The following EYS variants were observed in gnomAD, a reference collection of about 807,000 sequenced individuals.
The protein encoded by EYS is protein eyes shut homolog.
In EYS, 250 loss-of-function variants were observed where a neutral mutation model predicts 282.1. The ratio of observed to expected loss-of-function variants is 0.89; its 90% CI spans 0.80 to 0.98. The LOEUF is 0.98. Ranked by LOEUF, EYS falls within the 50% of genes least tolerant of loss-of-function variation. The pLI is 0.00. For missense variants in EYS, 4,016 were observed against 3,709.0 expected (o/e 1.08, Z -2.15); for synonymous variants, 1,355 against 1,282.9 (o/e 1.06, Z -1.20).
At chr6:65,291,153 C>T (rs1030146088) in intron 12 of EYS, among the ~76,000 whole-genome samples, 2 of 151,498 alleles carry the variant, frequency 1.3e-5, no homozygotes, top group African/African-American at 4.8e-5. Flanking sequence ...ATACACTTCT[C>T]AGGAAAACAT....
rs562559791 is a variant in EYS at position 65,460,728 on chromosome 6, T to C, written c.862+29866A>G. On this transcript the variant is annotated intron_variant, in intron 5 of 42. Transcript: ENST00000503581. ...GTTTTGGCCTGAACAAATCAATGGA[T>C]TACTACAAACAACACAATAGTTGCC... is the stretch of plus-strand genomic sequence containing the variant. Among the ~76,000 whole-genome samples, 3 of 152,174 alleles carry C rather than the reference T, an allele frequency of 2.0e-5. No homozygotes were observed. In the South Asian group the frequency reaches 6.2e-4, roughly 32 times the overall value.
At chr6:65,127,426 A>G (rs1775750199) in intron 12 of EYS, among the ~76,000 whole-genome samples, 1 of 152,186 alleles carries the variant, frequency 6.6e-6, no homozygotes, top group Non-Finnish European at 1.5e-5. Context: ...CTGCAAAGCA[A>G]TTGTTAAATT....
At chr6:65,598,238 A>T (rs112829973) in intron 2 of EYS, among the ~76,000 whole-genome samples, 7 of 14,500 alleles carry the variant, frequency 4.8e-4, no homozygotes, top group Non-Finnish European at 6.9e-4. Context: ...CTCCCCACCC[A>T]CCCCCCCCCC....
intron 28 of EYS, among the ~76,000 whole-genome samples, chr6:64,404,768 GA>G (rs1391193275): frequency 2.0e-5 from 3 of 152,094 alleles, no homozygotes; most frequent in Non-Finnish European, 4.4e-5. Context: ...TAATAAATAA[GA>G]ATCAGTGGAC....
At chr6:64,009,407 C>T (rs1768500035) in intron 33 of EYS, among the ~76,000 whole-genome samples, 1 of 151,638 alleles carries the variant, frequency 6.6e-6, no homozygotes, top group Non-Finnish European at 1.5e-5. Flanking sequence ...CCTCAGCCTC[C>T]CGAGTAGTTG....
At chr6:64,459,930 T>G (rs1456473025) in intron 26 of EYS, among the ~76,000 whole-genome samples, 1 of 148,542 alleles carries the variant, frequency 6.7e-6, no homozygotes, top group Non-Finnish European at 1.5e-5. Flanking sequence ...TCACATCTCC[T>G]GACCAAGTAA....
chr6:64,130,627 TA>T (rs113104299), intron 31 of EYS, among the ~76,000 whole-genome samples: 92 of 145,996 alleles, frequency 6.3e-4, no homozygotes, highest in Admixed American at 4.0e-3. Flanking sequence ...AAAGTATAAT[TA>T]AAAAAAAAAA....
Position 64,630,974 on chromosome 6 carries a change from G to A in EYS, c.3444-4729C>T, listed in dbSNP as rs1034971344. 2.6e-5 allele frequency among the ~76,000 whole-genome samples: 4 copies of A among 152,100 alleles called. No homozygotes were observed. In the South Asian group the frequency reaches 8.3e-4, roughly 32 times the overall value. Reference sequence around the variant, plus strand: ...TATTCACTTTATAAGCATTTTAATAGAATGTCTGACGGATTGAAATTACTT... The same window carrying A: ...TATTCACTTTATAAGCATTTTAATAAAATGTCTGACGGATTGAAATTACTT... On this transcript the variant is annotated intron_variant, in intron 22 of 42. Transcript: ENST00000503581.
chr6:65,633,635 C>T (rs909415735), intron 2 of EYS, among the ~76,000 whole-genome samples: 5 of 152,128 alleles, frequency 3.3e-5, no homozygotes, highest in Admixed American at 3.3e-4. Flanking sequence ...CTGAGATAAT[C>T]AGTGTTGCTT....
At chr6:63,845,093 G>C (rs1000689763) in intron 36 of EYS, among the ~76,000 whole-genome samples, 2 of 152,000 alleles carry the variant, frequency 1.3e-5, no homozygotes, top group African/African-American at 4.8e-5. Context: ...GCCATGAACT[G>C]TAATGACTTC....
chr6:64,850,993 G>A (rs1486250488), intron 19 of EYS, among the ~76,000 whole-genome samples: 1 of 152,042 alleles, frequency 6.6e-6, no homozygotes, highest in Non-Finnish European at 1.5e-5. Flanking sequence ...ACTGTTTTAA[G>A]TTCAAAGCCC....
intron 19 of EYS, among the ~76,000 whole-genome samples, chr6:64,845,695 T>G (rs1765696812): frequency 6.6e-6 from 1 of 152,126 alleles, no homozygotes; most frequent in African/African-American, 2.4e-5. Flanking sequence ...ATCCTCTTTT[T>G]GATGACTTAC....
chr6:64,158,334 G>T (rs1177262959), intron 31 of EYS, among the ~76,000 whole-genome samples: 2 of 151,980 alleles, frequency 1.3e-5, no homozygotes, highest in African/African-American at 4.8e-5. Flanking sequence ...ATAATGGAAT[G>T]TAACTTCTGT....
In EYS at chr6:64,393,688, A is replaced by G. The variant is rs571161128; in HGVS notation, c.5928-4848T>C. On this transcript the variant is annotated intron_variant, in intron 28 of 42. Transcript: ENST00000503581. Reference sequence around the variant, plus strand: ...ACAGCCAATATCATACTGAATGGGCAAAAACTGGAAGCATTCCCTTTGAAA... The same window carrying G: ...ACAGCCAATATCATACTGAATGGGCGAAAACTGGAAGCATTCCCTTTGAAA... Among the ~76,000 whole-genome samples the G allele has an allele frequency of 7.6e-4, 115 of 151,666 alleles. 2 individuals are homozygous for G. In the South Asian group the frequency reaches 0.022, roughly 29 times the overall value.
At chr6:64,635,535 A>G (rs1582980547) in intron 22 of EYS, among the ~76,000 whole-genome samples, 1 of 152,258 alleles carries the variant, frequency 6.6e-6, no homozygotes, top group African/African-American at 2.4e-5. Flanking sequence ...AGCATGAAGT[A>G]GTTGTTGAAT....
At chr6:64,510,298 G>T (rs2150518439) in intron 26 of EYS, among the ~76,000 whole-genome samples, 1 of 152,122 alleles carries the variant, frequency 6.6e-6, no homozygotes, top group South Asian at 2.1e-4. Context: ...GAAGTGATAT[G>T]AAAGATTAAA....
intron 7 of EYS, among the ~76,000 whole-genome samples, chr6:65,391,797 C>A (rs1182439255): frequency 2.0e-5 from 3 of 148,582 alleles, no homozygotes; most frequent in Non-Finnish European, 4.5e-5. Context: ...CAATGACTTT[C>A]TTTACAGAAT....
intron 19 of EYS, among the ~76,000 whole-genome samples, chr6:64,845,231 T>C (rs918410762): frequency 2.0e-5 from 3 of 151,920 alleles, no homozygotes; most frequent in African/African-American, 4.8e-5. Context: ...GCAAAGGTTG[T>C]AATGAGCCAA....
chr6:63,808,633 A>C (rs1770965269), intron 36 of EYS, among the ~76,000 whole-genome samples: 1 of 152,248 alleles, frequency 6.6e-6, no homozygotes, highest in African/African-American at 2.4e-5. Flanking sequence ...ATACATTATC[A>C]GTGCAATTTC....
Sources: allele counts gnomAD v4.1 joint callset (sites outside exome capture counted in the v4.1 genomes callset), GRCh38; gene constraint gnomAD v4.1.1; transcripts MANE v1.5; gene names NCBI Gene and HGNC (gene_info 2026-07-23, HGNC 2026-07-21).